PLEKHA8: variants seen among roughly 807,000 people sequenced by gnomAD.
The protein encoded by PLEKHA8 is pleckstrin homology domain containing A8, also known as pleckstrin homology domain-containing family A member 8.
In PLEKHA8, 36 loss-of-function variants were observed where a neutral mutation model predicts 68.2. The ratio of observed to expected loss-of-function variants is 0.53; its 90% CI spans 0.40 to 0.70. PLEKHA8 has a LOEUF of 0.70. Among genes scored for constraint, PLEKHA8 ranks in the 30% least tolerant of loss-of-function variants. The pLI is 0.00. For synonymous variants in PLEKHA8, 211 were observed against 216.1 expected (o/e 0.98, Z 0.20); for missense variants, 505 against 615.4 (o/e 0.82, Z 1.90).
At chr7:30,103,256 C>T (rs989877370) in intron 13 of PLEKHA8, among the ~76,000 whole-genome samples, 6 of 152,058 alleles carry the variant, frequency 3.9e-5, no homozygotes, top group Admixed American at 1.3e-4. Context: ...GTATGTTTTG[C>T]CATAATTTAA....
Position 30,083,907 on chromosome 7 carries a change from CT to C in PLEKHA8, c.*5121del, listed in dbSNP as rs1465660500. On this transcript the variant is annotated 3_prime_UTR_variant, in exon 14 of 14. Transcript: ENST00000449726. ...CACACAGACTCCTGTGTATGCGTGT[CT>C]GTTTATAGGTGTATATGGAGTCAGT... 7.1e-6 allele frequency: 7 copies of C among 985,410 alleles called. No homozygotes were observed. The highest frequency in any genetic ancestry group is 8.4e-6 in the Non-Finnish European group (7 of 829,922). The allele number at this position is 985,410 out of a possible 1,614,324, so 61.0% of individuals were successfully genotyped here.
intron 9 of PLEKHA8, among the ~76,000 whole-genome samples, chr7:30,056,742 AGTGTGTGTGTGTGTGTGTGTGTGTGTG>A (rs1792988985): frequency 4.0e-5 from 3 of 74,784 alleles, no homozygotes; most frequent in Admixed American, 4.1e-4. Flanking sequence ...AAAAAAAAAA[AGTGTGTGTGTGTGTGTGTGTGTGTGTG>A]TGTGTGTGTG....
chr7:30,038,899 T>A (rs568329734), intron 1 of PLEKHA8, among the ~76,000 whole-genome samples: 1 of 151,678 alleles, frequency 6.6e-6, no homozygotes. Context: ...TGGTGGTTGC[T>A]GTTGGGAAAT....
chr7:30,073,284 A>T (rs2391819), intron 12 of PLEKHA8, among the ~76,000 whole-genome samples: 25,435 of 152,102 alleles, frequency 0.17, 2,168 homozygotes, highest in Middle Eastern at 0.22. Flanking sequence ...GTCATTTAGG[A>T]CAAACATTTG....
chr7:30,090,128 A>T (rs1200263607), intron 12 of PLEKHA8: 5 of 1,546,030 alleles, frequency 3.2e-6, no homozygotes, highest in Non-Finnish European at 4.4e-6. Flanking sequence ...GAATCTTTAG[A>T]TTAAAAGAGT....
intron 13 of PLEKHA8, among the ~76,000 whole-genome samples, chr7:30,115,673 C>A (rs115848761): frequency 6.6e-6 from 1 of 151,224 alleles, no homozygotes; most frequent in Admixed American, 6.6e-5. Flanking sequence ...TACGTGTATA[C>A]ATACGCACAT....
intron 13 of PLEKHA8, among the ~76,000 whole-genome samples, chr7:30,101,451 C>G (rs369529996): frequency 1.8e-4 from 27 of 152,068 alleles, no homozygotes; most frequent in East Asian, 1.5e-3. Flanking sequence ...GGTGAGGGCT[C>G]TCTTCCAGGT....
Position 30,082,568 on chromosome 7 carries a change from A to AT in PLEKHA8, c.*3784dup. ...TATTAGAGGAGTGCAGCGGAAAAAA[A>AT]TTTGCACTCTTCTCCTTTTGGTTAT... On this transcript the variant is annotated 3_prime_UTR_variant, in exon 14 of 14. Coordinates refer to ENST00000449726, the MANE Select transcript of PLEKHA8 (RefSeq NM_001197026.2). 2.0e-6 allele frequency: 2 copies of AT among 985,346 alleles called. No homozygotes were observed. The highest frequency in any genetic ancestry group is 2.4e-6 in the Non-Finnish European group (2 of 829,878). The allele number at this position is 985,346 out of a possible 1,614,324, so 61.0% of individuals were successfully genotyped here. A position where few individuals can be genotyped will look rare whatever the true frequency, so the allele number is the denominator to read the frequency against.
At chr7:30,046,422 T>G in intron 3 of PLEKHA8, 57 bp downstream of exon 3, 2 of 1,503,642 alleles carry the variant, frequency 1.3e-6, no homozygotes, top group Non-Finnish European at 1.8e-6. Flanking sequence ...CTGGCATCTC[T>G]GATTTCCCTT....
intron 13 of PLEKHA8, among the ~76,000 whole-genome samples, chr7:30,127,363 C>T (rs907755921): frequency 1.3e-5 from 2 of 152,182 alleles, no homozygotes; most frequent in African/African-American, 4.8e-5. Context: ...GAAAGAAATT[C>T]ACCCAAACAT....
rs537060107 is a variant in PLEKHA8 at position 30,096,354 on chromosome 7, G to T, written c.1362+22222G>T. On this transcript the variant is annotated intron_variant, in intron 13 of 13. Transcript: ENST00000396257. ...TGTTATTGATGTATAAGAATGCTTG[G>T]GATTTTTGCACATTGATTTTGTATC... Among the ~76,000 whole-genome samples, 306 of 152,134 alleles carry T rather than the reference G, an allele frequency of 2.0e-3. 2 individuals are homozygous for T. Among genetic ancestry groups the T allele is most frequent in the African/African-American group, 7.0e-3 (291 of 41,482 alleles).
rs1295829239 is a variant in PLEKHA8, at chr7:30,028,506, C to A, written c.-257C>A. Reference sequence around the variant, plus strand: ...GACCCACGTAGGGCCCGGACCCGGGCCTCCTTGTGAACAGCGTGCCGGCTT... The same window carrying A: ...GACCCACGTAGGGCCCGGACCCGGGACTCCTTGTGAACAGCGTGCCGGCTT... On this transcript the variant is annotated 5_prime_UTR_variant, in exon 1 of 14. Coordinates refer to ENST00000449726, the MANE Select transcript of PLEKHA8 (RefSeq NM_001197026.2). 8.3e-6 allele frequency: 3 copies of A among 361,036 alleles called. No homozygotes were observed. The highest frequency in any genetic ancestry group is 1.5e-4 in the South Asian group (1 of 6,764). 22.4% of individuals were successfully genotyped at this position (361,036 alleles called of 1,614,324 possible). A position where few individuals can be genotyped will look rare whatever the true frequency, so the allele number is the denominator to read the frequency against.
chr7:30,049,551 G>C, intron 5 of PLEKHA8, 169 bp downstream of exon 5: 1 of 793,864 alleles, frequency 1.3e-6, no homozygotes, highest in Non-Finnish European at 1.9e-6. Flanking sequence ...TATCCAGTCA[G>C]TTATTTGTGG....
chr7:30,078,262 G>C (rs984507538), intron 13 of PLEKHA8, among the ~76,000 whole-genome samples: 1 of 152,188 alleles, frequency 6.6e-6, no homozygotes, highest in East Asian at 1.9e-4. Flanking sequence ...CTGAGGATTT[G>C]AGGGGAATAG....
rs191310123 is a variant in PLEKHA8 at position 30,128,906 on chromosome 7, A to G, written c.1363-360A>G. 2.0e-4 allele frequency among the ~76,000 whole-genome samples: 31 copies of G among 152,216 alleles called. No individual in the cohort carries two copies. The East Asian group carries it at 5.6e-3, about 27-fold the overall frequency. ...TAGGGGAGGGGGCAGGCTCTTTTTA[A>G]CAACCAGCTCTCGGGAGTGAACAGA... On this transcript the variant is annotated intron_variant, in intron 13 of 13. Coordinates refer to the PLEKHA8 transcript ENST00000396257.
chr7:30,099,583 G>T (rs1014069936), intron 13 of PLEKHA8, among the ~76,000 whole-genome samples: 6 of 152,306 alleles, frequency 3.9e-5, no homozygotes, highest in South Asian at 2.1e-4. Flanking sequence ...AAGTAATGCT[G>T]TTAACCAGCT....
intron 12 of PLEKHA8, among the ~76,000 whole-genome samples, chr7:30,064,246 A>G (rs1205329931): frequency 1.3e-5 from 2 of 152,246 alleles, no homozygotes; most frequent in African/African-American, 4.8e-5. Flanking sequence ...TGAAAAAATT[A>G]CAGAAGTATT....
intron 13 of PLEKHA8, among the ~76,000 whole-genome samples, chr7:30,115,551 TATACATGTAGACATATGTATACATGCACG>T (rs1796413887): frequency 3.9e-5 from 2 of 50,702 alleles, no homozygotes; most frequent in Admixed American, 2.8e-4. Flanking sequence ...CACATGCACG[TATACATGTAGACATATGTATACATGCACG>T]TATACATGTA....
At chr7:30,075,562 C>T (rs1382426435) in intron 13 of PLEKHA8, among the ~76,000 whole-genome samples, 1 of 152,188 alleles carries the variant, frequency 6.6e-6, no homozygotes, top group Admixed American at 6.6e-5. Flanking sequence ...GTGCTTACCT[C>T]CATTAGAGCT....
Sources: gnomAD v4.1 joint callset for allele counts (sites outside exome capture counted in the v4.1 genomes callset) on GRCh38, gnomAD v4.1.1 for gene constraint, MANE v1.5 for transcripts, NCBI Gene and HGNC (gene_info 2026-07-23, HGNC 2026-07-21) for gene names.